Variants in PARN observed in about 807,000 individuals in gnomAD.
The protein encoded by PARN is poly(A)-specific ribonuclease.
In PARN, 71 loss-of-function variants were observed where a neutral mutation model predicts 102.8. That is an observed-to-expected ratio of 0.69 (90% confidence interval 0.57 to 0.84). The LOEUF (loss-of-function observed/expected upper bound fraction) is 0.84, where lower values mean the gene tolerates loss of function less well. PARN is among the 40% of genes least tolerant of loss of function. The pLI is 0.00. For synonymous variants in PARN, 261 were observed against 252.9 expected (o/e 1.03, Z -0.30); for missense variants, 782 against 760.9 (o/e 1.03, Z -0.33).
intron 23 of PARN, among the ~76,000 whole-genome samples, chr16:14,438,193 C>A (rs1001357850): frequency 6.6e-6 from 1 of 152,090 alleles, no homozygotes; most frequent in African/African-American, 2.4e-5. Context: ...CTTCCCAGTC[C>A]CACAATGATA....
chr16:14,513,680 G>A (rs1965315393), intron 21 of PARN, among the ~76,000 whole-genome samples: 1 of 152,118 alleles, frequency 6.6e-6, no homozygotes. Context: ...CCTTCTCCCT[G>A]TTGTGGCTGA....
At chr16:14,611,890 G>C (rs1251449126) in intron 6 of PARN, among the ~76,000 whole-genome samples, 1 of 152,110 alleles carries the variant, frequency 6.6e-6, no homozygotes, top group Non-Finnish European at 1.5e-5. Context: ...AGGCTTGTGG[G>C]CAATGGGGGT....
At chr16:14,492,245 G>C (rs903840343) in intron 21 of PARN, among the ~76,000 whole-genome samples, 1 of 152,242 alleles carries the variant, frequency 6.6e-6, no homozygotes, top group Non-Finnish European at 1.5e-5. Context: ...GATAGTGGAG[G>C]ACGGCATTCC....
intron 21 of PARN, among the ~76,000 whole-genome samples, chr16:14,519,468 T>C (rs1474887882): frequency 6.6e-6 from 1 of 152,092 alleles, no homozygotes; most frequent in Non-Finnish European, 1.5e-5. Context: ...GAAATGCCAT[T>C]TTCCTTGAAA....
At chr16:14,552,367 T>C (rs1317199011) in intron 20 of PARN, among the ~76,000 whole-genome samples, 2 of 152,210 alleles carry the variant, frequency 1.3e-5, no homozygotes, top group East Asian at 3.8e-4. Flanking sequence ...CCTTCCAGAT[T>C]AAACCCTGGG....
chr16:14,549,717 T>C (rs1031278517), intron 21 of PARN, among the ~76,000 whole-genome samples: 4 of 152,330 alleles, frequency 2.6e-5, no homozygotes, highest in South Asian at 4.1e-4. Context: ...CAAAGCACTC[T>C]TACACACTGT....
intron 18 of PARN, among the ~76,000 whole-genome samples, chr16:14,563,298 T>G (rs2151722984): frequency 6.6e-6 from 1 of 152,206 alleles, no homozygotes; most frequent in South Asian, 2.1e-4. Context: ...AAGAAGCAGT[T>G]AGCAAAAAAT....
chr16:14,547,092 CAA>C (rs753738742), intron 21 of PARN, among the ~76,000 whole-genome samples: 31 of 91,440 alleles, frequency 3.4e-4, no homozygotes, highest in South Asian at 6.9e-4. Context: ...GACCCTGTCT[CAA>C]AAAAAAAAAA....
At chr16:14,539,306 C>A (rs1407957452) in intron 21 of PARN, among the ~76,000 whole-genome samples, 5 of 152,222 alleles carry the variant, frequency 3.3e-5, no homozygotes, top group African/African-American at 1.2e-4. Flanking sequence ...TGCTCCCCTT[C>A]TCCTGGCTGC....
At chr16:14,629,481 A>G (rs1474342346) in intron 2 of PARN, 116 bp downstream of exon 2, 11 of 762,964 alleles carry the variant, frequency 1.4e-5, no homozygotes, top group Non-Finnish European at 2.5e-5. Flanking sequence ...AAACCCGCCC[A>G]AGGCTACTAA....
chr16:14,517,439 C>T (rs1965513691), intron 21 of PARN, among the ~76,000 whole-genome samples: 1 of 152,186 alleles, frequency 6.6e-6, no homozygotes, highest in Admixed American at 6.5e-5. Context: ...CTGACGTCAT[C>T]CAATCCCAGC....
At chr16:14,600,313 A>G (rs1596813520) in intron 11 of PARN, among the ~76,000 whole-genome samples, 1 of 152,218 alleles carries the variant, frequency 6.6e-6, no homozygotes, top group African/African-American at 2.4e-5. Context: ...TAAACTCAGT[A>G]ACACATTCAA....
chr16:14,612,223 G>C (rs546970064), intron 6 of PARN, among the ~76,000 whole-genome samples: 17 of 152,240 alleles, frequency 1.1e-4, no homozygotes, highest in Admixed American at 2.6e-4. Context: ...CGGATCACAA[G>C]TTCAAAAGAT....
At chr16:14,551,318 C>T (rs761271301) in intron 21 of PARN, among the ~76,000 whole-genome samples, 1 of 151,820 alleles carries the variant, frequency 6.6e-6, no homozygotes, top group Non-Finnish European at 1.5e-5. Flanking sequence ...CCTGTAATCC[C>T]AGCACTCTGA....
chr16:14,532,581 C>T (rs1408120562), intron 21 of PARN, among the ~76,000 whole-genome samples: 5 of 152,114 alleles, frequency 3.3e-5, no homozygotes, highest in Non-Finnish European at 5.9e-5. Flanking sequence ...CACACAGACA[C>T]GGCAACCATC....
At chr16:14,487,006 C>G (rs997959001) in intron 21 of PARN, among the ~76,000 whole-genome samples, 1 of 152,214 alleles carries the variant, frequency 6.6e-6, no homozygotes, top group Non-Finnish European at 1.5e-5. Flanking sequence ...TCAAACACTC[C>G]GGCTTCACTG....
chr16:14,519,536 G>C (rs183356332), intron 21 of PARN, among the ~76,000 whole-genome samples: 214 of 152,238 alleles, frequency 1.4e-3, no homozygotes, highest in African/African-American at 4.6e-3. Context: ...GAATGTACAA[G>C]ATGAGCCTGG....
intron 21 of PARN, among the ~76,000 whole-genome samples, chr16:14,515,095 G>A (rs1001218063): frequency 3.3e-5 from 5 of 152,108 alleles, no homozygotes; most frequent in Non-Finnish European, 5.9e-5. Flanking sequence ...TCACTGTGCT[G>A]GTTACTCATT....
At chr16:14,533,273 G>A (rs142309238) in intron 21 of PARN, among the ~76,000 whole-genome samples, 1 of 152,012 alleles carries the variant, frequency 6.6e-6, no homozygotes, top group Non-Finnish European at 1.5e-5. Flanking sequence ...AGGCGTGGCG[G>A]CGCGCGCCTG....
Sources: allele counts gnomAD v4.1 joint callset (sites outside exome capture counted in the v4.1 genomes callset), GRCh38; gene constraint gnomAD v4.1.1; transcripts MANE v1.5; gene names NCBI Gene and HGNC (gene_info 2026-07-23, HGNC 2026-07-21).